Variants in RFX4 observed in about 807,000 individuals in gnomAD.
RFX4 encodes the protein transcription factor RFX4.
Under a neutral mutation model 95.0 loss-of-function variants are expected in RFX4, and 10 were observed. The observed-to-expected ratio is 0.11, with a 90% CI of 0.06 to 0.18. The LOEUF (loss-of-function observed/expected upper bound fraction) is 0.18, where lower values mean the gene tolerates loss of function less well. Among genes scored for constraint, RFX4 ranks in the 10% least tolerant of loss-of-function variants. The probability of loss-of-function intolerance (pLI) is 1.00; values close to 1 mark genes in which losing one functional copy is unlikely to be tolerated. For synonymous variants in RFX4, 321 were observed against 340.7 expected, an observed-to-expected ratio of 0.94 and a Z score of 0.64; for missense variants, 640 against 922.0, an observed-to-expected ratio of 0.69 and a Z score of 3.96.
intron 9 of RFX4, among the ~76,000 whole-genome samples, 182 bp from the exon 10 acceptor site, chr12:106,711,271 C>T (rs1231515427): frequency 6.6e-6 from 1 of 152,118 alleles, no homozygotes; most frequent in African/African-American, 2.4e-5. Context: ...GTTGTTGAAG[C>T]CCACATGGGA....
intron 2 of RFX4, among the ~76,000 whole-genome samples, chr12:106,612,115 G>A (rs1381925080): frequency 6.6e-6 from 1 of 152,050 alleles, no homozygotes; most frequent in African/African-American, 2.4e-5. Context: ...ATGAATTTTA[G>A]AATGGATTTT....
intron 3 of RFX4, among the ~76,000 whole-genome samples, chr12:106,644,901 G>A (rs2040712281): frequency 6.6e-6 from 1 of 152,186 alleles, no homozygotes; most frequent in South Asian, 2.1e-4. Flanking sequence ...GCCCAGGAAA[G>A]GACACTGGCC....
At chr12:106,680,145 C>A (rs1170133603) in intron 4 of RFX4, among the ~76,000 whole-genome samples, 1 of 152,220 alleles carries the variant, frequency 6.6e-6, no homozygotes, top group African/African-American at 2.4e-5. Flanking sequence ...AAAGTGGTTT[C>A]ATGATGCTAT....
chr12:106,683,482 A>T (rs959658888), intron 5 of RFX4: 1 of 149,448 alleles, frequency 6.7e-6, no homozygotes, highest in African/African-American at 2.4e-5. Flanking sequence ...AAAAAAAAAA[A>T]AAAAAAAAAA....
intron 11 of RFX4, among the ~76,000 whole-genome samples, chr12:106,718,657 A>T (rs2042338220): frequency 6.6e-6 from 1 of 152,208 alleles, no homozygotes. Context: ...GAGAGAACAA[A>T]AACTGCTCAA....
chr12:106,729,316 C>G (rs2042565239), intron 13 of RFX4, among the ~76,000 whole-genome samples: 1 of 152,154 alleles, frequency 6.6e-6, no homozygotes, highest in African/African-American at 2.4e-5. Flanking sequence ...TATCTTTTGA[C>G]TTGTTTGACT....
At chr12:106,726,251 A>C (rs1480590851) in intron 13 of RFX4, among the ~76,000 whole-genome samples, 2 of 151,680 alleles carry the variant, frequency 1.3e-5, no homozygotes, top group African/African-American at 4.8e-5. Context: ...CCATCTAAAA[A>C]AAAAAAAAAG....
intron 13 of RFX4, among the ~76,000 whole-genome samples, chr12:106,728,765 C>T (rs1402380370): frequency 1.3e-5 from 2 of 152,076 alleles, no homozygotes; most frequent in Non-Finnish European, 2.9e-5. Context: ...TGTTTACTGC[C>T]CAATAATCTT....
At chr12:106,752,106 A>AT (rs1271730431) in intron 17 of RFX4, among the ~76,000 whole-genome samples, 1 of 151,052 alleles carries the variant, frequency 6.6e-6, no homozygotes, top group African/African-American at 2.4e-5. Flanking sequence ...TCTTGAATTG[A>AT]TTTTTGTATA....
intron 1 of RFX4, among the ~76,000 whole-genome samples, chr12:106,584,006 G>A (rs1055176148): frequency 6.6e-6 from 1 of 152,226 alleles, no homozygotes; most frequent in African/African-American, 2.4e-5. Context: ...CCAACGCCGG[G>A]CTCCACTAGG....
chr12:106,757,364 G>A (rs921224891), intron 17 of RFX4, among the ~76,000 whole-genome samples: 2 of 152,108 alleles, frequency 1.3e-5, no homozygotes, highest in Admixed American at 6.6e-5. Flanking sequence ...CCTGGGCAAT[G>A]TAGTGAGACC....
intron 5 of RFX4, chr12:106,684,581 AT>A (rs2041601336): frequency 1.3e-6 from 1 of 751,354 alleles, no homozygotes. Flanking sequence ...GTCTGAACAT[AT>A]TAGATGATCT....
intron 2 of RFX4, among the ~76,000 whole-genome samples, chr12:106,609,738 TG>T (rs989915134): frequency 3.3e-5 from 5 of 149,454 alleles, no homozygotes; most frequent in African/African-American, 1.0e-4. Context: ...ATTAGTTTGA[TG>T]GGGTTTTTTT....
chr12:106,723,554 C>T (rs1228545497), intron 13 of RFX4, among the ~76,000 whole-genome samples: 2 of 152,158 alleles, frequency 1.3e-5, no homozygotes, highest in African/African-American at 4.8e-5. Flanking sequence ...CACAATTGCA[C>T]AACACTTCCA....
At chr12:106,618,087 G>A (rs1208646192) in intron 2 of RFX4, among the ~76,000 whole-genome samples, 2 of 152,150 alleles carry the variant, frequency 1.3e-5, no homozygotes, top group Non-Finnish European at 2.9e-5. Context: ...ATGTGCACTT[G>A]AGGAGAATGA....
chr12:106,701,937 G>T (rs1457107849), intron 8 of RFX4, among the ~76,000 whole-genome samples: 1 of 152,000 alleles, frequency 6.6e-6, no homozygotes. Flanking sequence ...AATTAATTGA[G>T]CCCAGAAATT....
intron 1 of RFX4, among the ~76,000 whole-genome samples, chr12:106,589,540 T>A (rs2039509107): frequency 6.6e-6 from 1 of 152,182 alleles, no homozygotes; most frequent in Non-Finnish European, 1.5e-5. Flanking sequence ...AGTCTCTTTT[T>A]AGGATGAAAG....
At chr12:106,706,556 A>C (rs1406347317) in intron 8 of RFX4, among the ~76,000 whole-genome samples, 1 of 152,140 alleles carries the variant, frequency 6.6e-6, no homozygotes, top group Non-Finnish European at 1.5e-5. Context: ...CGTATGCAAA[A>C]CTGGATACTT....
intron 2 of RFX4, among the ~76,000 whole-genome samples, chr12:106,613,717 CTT>C (rs2040011000): frequency 6.6e-6 from 1 of 152,090 alleles, no homozygotes; most frequent in Admixed American, 6.6e-5. Flanking sequence ...CTTGTAGTAT[CTT>C]TGTCTGGCTT....
Sources: gnomAD v4.1 joint callset for allele counts (sites outside exome capture counted in the v4.1 genomes callset) on GRCh38, gnomAD v4.1.1 for gene constraint, MANE v1.5 for transcripts, NCBI Gene and HGNC (gene_info 2026-07-23, HGNC 2026-07-21) for gene names.